Variants in RNLS observed in about 807,000 individuals in gnomAD.
RNLS encodes the protein renalase, FAD dependent amine oxidase.
RNLS carries 39 observed loss-of-function variants against 39.8 expected under a neutral mutation model. The observed-to-expected ratio is 0.98, with a 90% CI of 0.76 to 1.28. The LOEUF is 1.28. Among genes scored for constraint, RNLS ranks in the 50% most tolerant of loss-of-function variants. The pLI, the probability that RNLS is intolerant of heterozygous loss-of-function variation, is 0.00. For synonymous variants in RNLS, 147 were observed against 150.7 expected (o/e 0.98, Z 0.18); for missense variants, 410 against 413.3 (o/e 0.99, Z 0.07).
downstream of RNLS, among the ~76,000 whole-genome samples, chr10:88,269,987 C>T (rs1177479957): frequency 2.0e-5 from 3 of 152,082 alleles, no homozygotes; most frequent in African/African-American, 7.2e-5. Flanking sequence ...AGCTGGGACT[C>T]CAGGCGTGCG....
At chr10:88,204,556 TAATG>T in the RNLS span, among the ~76,000 whole-genome samples, 1 of 152,124 alleles carries the variant, frequency 6.6e-6, no homozygotes, top group African/African-American at 2.4e-5. Flanking sequence ...TACATAATAA[TAATG>T]AGAATAATGA....
intron 4 of RNLS, among the ~76,000 whole-genome samples, chr10:88,377,317 A>C (rs750317979): frequency 1.5e-4 from 23 of 152,132 alleles, no homozygotes; most frequent in Non-Finnish European, 2.6e-4. Context: ...TTTGACTCCC[A>C]GTAGAAGACA....
At chr10:88,558,505 A>G (rs960360699) in intron 4 of RNLS, among the ~76,000 whole-genome samples, 1 of 152,148 alleles carries the variant, frequency 6.6e-6, no homozygotes, top group African/African-American at 2.4e-5. Flanking sequence ...AGGGACACTT[A>G]AGTAGGTAAA....
the RNLS span, among the ~76,000 whole-genome samples, chr10:88,191,815 A>G: frequency 3.3e-5 from 5 of 152,168 alleles, no homozygotes; most frequent in South Asian, 2.1e-4. Flanking sequence ...GTGAAACACT[A>G]TCTTGGGTCC....
intron 4 of RNLS, among the ~76,000 whole-genome samples, chr10:88,396,988 A>G (rs1441268949): frequency 6.6e-6 from 1 of 151,994 alleles, no homozygotes; most frequent in Non-Finnish European, 1.5e-5. Context: ...TGATGCAAAA[A>G]CTTACAGAAG....
At chr10:88,415,976 T>C (rs1181564122) in intron 4 of RNLS, among the ~76,000 whole-genome samples, 2 of 152,172 alleles carry the variant, frequency 1.3e-5, no homozygotes, top group Non-Finnish European at 2.9e-5. Context: ...CTTGCCCTCC[T>C]TCCACTTTCA....
At chr10:88,457,598 C>T (rs1842702093) in intron 4 of RNLS, among the ~76,000 whole-genome samples, 1 of 148,750 alleles carries the variant, frequency 6.7e-6, no homozygotes, top group South Asian at 2.1e-4. Flanking sequence ...AGGTACCTTA[C>T]AAGGTAAAGG....
intron 6 of RNLS, among the ~76,000 whole-genome samples, chr10:88,293,478 A>G (rs1428875718): frequency 6.6e-6 from 1 of 152,190 alleles, no homozygotes; most frequent in Non-Finnish European, 1.5e-5. Context: ...GATGAAAAAA[A>G]AGTAAGAATT....
the RNLS span, among the ~76,000 whole-genome samples, chr10:88,183,468 T>C: frequency 1.2e-4 from 19 of 152,272 alleles, no homozygotes; most frequent in South Asian, 3.9e-3. Flanking sequence ...CAAACTTCTC[T>C]GTGAAAGAAC....
intron 5 of RNLS, among the ~76,000 whole-genome samples, chr10:88,345,068 C>A (rs984993958): frequency 6.6e-6 from 1 of 152,082 alleles, no homozygotes; most frequent in Non-Finnish European, 1.5e-5. Flanking sequence ...TCTCAGCTCA[C>A]TTAATAACAA....
the RNLS span, among the ~76,000 whole-genome samples, chr10:88,235,474 C>T: frequency 6.6e-6 from 1 of 152,144 alleles, no homozygotes; most frequent in Middle Eastern, 3.4e-3. Context: ...ATGTGCCAGA[C>T]ATTGTGTTGT....
intron 4 of RNLS, among the ~76,000 whole-genome samples, chr10:88,423,216 T>C (rs1211072829): frequency 1.3e-5 from 2 of 152,218 alleles, no homozygotes; most frequent in South Asian, 4.1e-4. Context: ...GTGGTACTGT[T>C]AATGACCCTG....
intron 5 of RNLS, 139 bp from the exon 6 acceptor site, chr10:88,314,780 G>T: frequency 1.5e-6 from 1 of 670,794 alleles, no homozygotes; most frequent in Non-Finnish European, 2.3e-6. Context: ...AATCTCTAAA[G>T]CATAAATTAG....
downstream of RNLS, chr10:88,273,821 T>C (rs1768577513): frequency 6.6e-6 from 1 of 151,740 alleles, no homozygotes; most frequent in African/African-American, 2.4e-5. Context: ...GATTAGAATT[T>C]AGTCATTCAA....
chr10:88,231,507 C>G, the RNLS span, among the ~76,000 whole-genome samples: 7 of 152,170 alleles, frequency 4.6e-5, no homozygotes, highest in Non-Finnish European at 5.9e-5. Flanking sequence ...TTCTGGACCT[C>G]AGTCACCTCA....
chr10:88,183,344 C>G, the RNLS span, among the ~76,000 whole-genome samples: 39 of 152,188 alleles, frequency 2.6e-4, no homozygotes, highest in South Asian at 7.7e-3. Context: ...GTAGATGAAG[C>G]CTTCTTTTTC....
At chr10:88,251,534 C>T in the RNLS span, among the ~76,000 whole-genome samples, 20 of 152,300 alleles carry the variant, frequency 1.3e-4, no homozygotes, top group Non-Finnish European at 2.2e-4. Context: ...TCTATAAAAA[C>T]GGGCTTCCAA....
intron 4 of RNLS, among the ~76,000 whole-genome samples, chr10:88,416,594 A>T (rs1380479134): frequency 6.6e-6 from 1 of 152,160 alleles, no homozygotes; most frequent in African/African-American, 2.4e-5. Context: ...ATTTCTTTTG[A>T]GGACTTTCAT....
chr10:88,236,141 G>T, the RNLS span, among the ~76,000 whole-genome samples: 1 of 152,160 alleles, frequency 6.6e-6, no homozygotes, highest in Non-Finnish European at 1.5e-5. Context: ...AGAAACCATG[G>T]TATAACATTG....
Sources: gnomAD v4.1 joint callset for allele counts (sites outside exome capture counted in the v4.1 genomes callset) on GRCh38, gnomAD v4.1.1 for gene constraint, MANE v1.5 for transcripts, NCBI Gene and HGNC (gene_info 2026-07-23, HGNC 2026-07-21) for gene names.